Variants in FAM135B observed in about 807,000 individuals in gnomAD.
FAM135B encodes the protein family with sequence similarity 135 member B.
In FAM135B, 43 loss-of-function variants were observed where a neutral mutation model predicts 127.7. The observed-to-expected ratio is 0.34, with a 90% CI of 0.26 to 0.43. The LOEUF is 0.43. FAM135B is among the 20% of genes least tolerant of loss of function. FAM135B has a pLI of 1.00. For synonymous variants in FAM135B, 670 were observed against 665.1 expected (o/e 1.01, Z -0.11); for missense variants, 1,558 against 1,725.6 (o/e 0.90, Z 1.72).
At chr8:138,416,747 A>G (rs1166008935) in intron 1 of FAM135B, among the ~76,000 whole-genome samples, 2 of 152,166 alleles carry the variant, frequency 1.3e-5, no homozygotes, top group Admixed American at 1.3e-4. Flanking sequence ...ATACCAAATC[A>G]TCAAGAAGAT....
intron 1 of FAM135B, among the ~76,000 whole-genome samples, chr8:138,461,664 T>G (rs1181148010): frequency 6.6e-6 from 1 of 152,174 alleles, no homozygotes; most frequent in Non-Finnish European, 1.5e-5. Context: ...ATGAAATGAA[T>G]AGGATCACTC....
intron 7 of FAM135B, among the ~76,000 whole-genome samples, chr8:138,216,060 C>T (rs1348971468): frequency 6.6e-6 from 1 of 152,110 alleles, no homozygotes; most frequent in Non-Finnish European, 1.5e-5. Flanking sequence ...AGTGTACATG[C>T]TACTACACCT....
intron 2 of FAM135B, among the ~76,000 whole-genome samples, chr8:138,351,169 G>A (rs1452068102): frequency 6.6e-6 from 1 of 152,104 alleles, no homozygotes; most frequent in Non-Finnish European, 1.5e-5. Flanking sequence ...ACCTGTACAG[G>A]CTGAATTGTG....
chr8:138,375,798 TG>T (rs143536051), intron 1 of FAM135B, among the ~76,000 whole-genome samples: 6 of 152,154 alleles, frequency 3.9e-5, no homozygotes, highest in Admixed American at 2.6e-4. Flanking sequence ...ATGGTAGGGA[TG>T]GGGGGAAGTC....
intron 1 of FAM135B, among the ~76,000 whole-genome samples, chr8:138,436,063 G>A (rs1835437953): frequency 6.6e-6 from 1 of 152,164 alleles, no homozygotes; most frequent in African/African-American, 2.4e-5. Context: ...TATGATAACA[G>A]TGTCGTAAAA....
intron 10 of FAM135B, 71 bp downstream of exon 10, chr8:138,178,464 A>G (rs562221555): frequency 2.9e-5 from 46 of 1,565,572 alleles, no homozygotes; most frequent in Non-Finnish European, 3.8e-5. Flanking sequence ...GCTTGATCTA[A>G]TTCTCATAAA....
intron 2 of FAM135B, among the ~76,000 whole-genome samples, chr8:138,365,342 T>C (rs985207006): frequency 6.6e-6 from 1 of 152,202 alleles, no homozygotes. Context: ...TCCTCATTTT[T>C]CAAGCTTTTT....
At chr8:138,275,657 C>A (rs1214417999) in intron 3 of FAM135B, among the ~76,000 whole-genome samples, 1 of 152,032 alleles carries the variant, frequency 6.6e-6, no homozygotes, top group Non-Finnish European at 1.5e-5. Flanking sequence ...ATCTTGCCAC[C>A]ACACTCTGGC....
rs1421370750 is a variant in FAM135B at position 138,152,608 on chromosome 8, C to T, written c.1867G>A (p.Asp623Asn). ...AGCAGCACCATCTTCCCCTCTTGAT[C>T]TATTCCCTTTCCTAGAGTACTTAAT... ...HELSTLGKGI[D>N]QEGKMVLLSL... The change falls in exon 13 of 20, where the codon GAT becomes AAT. Residue 623 changes from aspartate to asparagine, a missense_variant. Transcript: ENST00000395297. 5 of 1,614,202 alleles carry T rather than the reference C, an allele frequency of 3.1e-6. No homozygotes were observed. The highest frequency in any genetic ancestry group is 4.5e-5 in the East Asian group (2 of 44,862).
intron 1 of FAM135B, among the ~76,000 whole-genome samples, chr8:138,401,783 C>T (rs192305807): frequency 3.1e-4 from 47 of 152,318 alleles, no homozygotes; most frequent in Non-Finnish European, 6.2e-4. Context: ...AGAAATACCA[C>T]TCCTGGGTAA....
At chr8:138,398,550 G>A (rs572417450) in intron 1 of FAM135B, among the ~76,000 whole-genome samples, 11 of 152,246 alleles carry the variant, frequency 7.2e-5, no homozygotes, top group African/African-American at 2.6e-4. Flanking sequence ...GAAGGGTTTG[G>A]CTCATCAACC....
At chr8:138,263,575 T>C (rs1260400636) in intron 4 of FAM135B, among the ~76,000 whole-genome samples, 1 of 152,190 alleles carries the variant, frequency 6.6e-6, no homozygotes, top group Non-Finnish European at 1.5e-5. Context: ...GATCAAGTAT[T>C]TGCAGTCACT....
intron 2 of FAM135B, among the ~76,000 whole-genome samples, chr8:138,355,856 G>A (rs1415041521): frequency 1.3e-5 from 2 of 152,130 alleles, no homozygotes; most frequent in Non-Finnish European, 2.9e-5. Flanking sequence ...GTGGCACTAT[G>A]GTAAGAATGT....
chr8:138,320,532 C>T (rs1419999463), intron 2 of FAM135B, among the ~76,000 whole-genome samples: 1 of 152,180 alleles, frequency 6.6e-6, no homozygotes, highest in African/African-American at 2.4e-5. Flanking sequence ...TCATGTATTT[C>T]ATTGTTTTCT....
At chr8:138,365,127 G>GT (rs1830661342) in intron 2 of FAM135B, among the ~76,000 whole-genome samples, 2 of 152,240 alleles carry the variant, frequency 1.3e-5, no homozygotes, top group African/African-American at 4.8e-5. Context: ...GATTACAGGC[G>GT]TGAGTCACCA....
intron 5 of FAM135B, among the ~76,000 whole-genome samples, chr8:138,256,215 T>A (rs1822079941): frequency 6.6e-6 from 1 of 152,096 alleles, no homozygotes; most frequent in Non-Finnish European, 1.5e-5. Context: ...AGAAGAAAGT[T>A]GCCTCCTGCA....
At chr8:138,176,648 GTGATGGA>G (rs1165463175) in intron 11 of FAM135B, among the ~76,000 whole-genome samples, 6 of 152,222 alleles carry the variant, frequency 3.9e-5, no homozygotes, top group African/African-American at 1.4e-4. Context: ...TCCATCTTGA[GTGATGGA>G]TGGGTCTCAT....
intron 7 of FAM135B, among the ~76,000 whole-genome samples, chr8:138,208,795 A>G (rs1044566456): frequency 6.6e-6 from 1 of 152,208 alleles, no homozygotes; most frequent in African/African-American, 2.4e-5. Context: ...CCACTGGTGT[A>G]CTTAAGTGAT....
intron 1 of FAM135B, among the ~76,000 whole-genome samples, chr8:138,374,133 T>C (rs1277879069): frequency 2.6e-5 from 4 of 152,168 alleles, no homozygotes; most frequent in Admixed American, 6.5e-5. Flanking sequence ...CCTATTGACA[T>C]GTGATGTCTC....
Sources: gnomAD v4.1 joint callset for allele counts (sites outside exome capture counted in the v4.1 genomes callset) on GRCh38, gnomAD v4.1.1 for gene constraint, MANE v1.5 for transcripts, NCBI Gene and HGNC (gene_info 2026-07-23, HGNC 2026-07-21) for gene names.